CADM2: variants seen among roughly 807,000 people sequenced by gnomAD.
CADM2 encodes the protein cell adhesion molecule 2.
Under a neutral mutation model 49.8 loss-of-function variants are expected in CADM2, and 12 were observed. The ratio of observed to expected loss-of-function variants is 0.24; its 90% CI spans 0.15 to 0.39. The LOEUF (loss-of-function observed/expected upper bound fraction) is 0.39. CADM2 is among the 10% of genes least tolerant of loss of function. CADM2 has a pLI of 1.00. For missense variants in CADM2, 378 were observed against 492.3 expected, an observed-to-expected ratio of 0.77 and a Z score of 2.20; for synonymous variants, 214 against 175.4, an observed-to-expected ratio of 1.22 and a Z score of -1.74.
intron 1 of CADM2, among the ~76,000 whole-genome samples, chr3:85,557,258 C>G (rs147235578): frequency 2.0e-5 from 3 of 151,978 alleles, no homozygotes; most frequent in East Asian, 3.9e-4. Flanking sequence ...TATGTAGATA[C>G]AGCTGTAGAT....
chr3:85,382,974 A>G (rs964260724), intron 1 of CADM2, among the ~76,000 whole-genome samples: 28 of 152,116 alleles, frequency 1.8e-4, no homozygotes, highest in African/African-American at 6.5e-4. Flanking sequence ...ACTGTAACCT[A>G]ACTTTGCAGG....
intron 1 of CADM2, among the ~76,000 whole-genome samples, chr3:85,552,598 T>C (rs1257626581): frequency 1.3e-5 from 2 of 151,886 alleles, no homozygotes; most frequent in African/African-American, 4.8e-5. Context: ...GCCAGGATGG[T>C]CTTGATCTCC....
At chr3:85,001,486 AT>A (rs2033460164) in intron 1 of CADM2, among the ~76,000 whole-genome samples, 1 of 152,160 alleles carries the variant, frequency 6.6e-6, no homozygotes, top group South Asian at 2.1e-4. Flanking sequence ...ACATGAAATT[AT>A]TTTTTCAACA....
intron 1 of CADM2, among the ~76,000 whole-genome samples, chr3:85,557,728 T>C (rs2061996895): frequency 6.6e-6 from 1 of 152,012 alleles, no homozygotes. Flanking sequence ...TCAAAAAAGC[T>C]ACAAATAGAC....
intron 1 of CADM2, among the ~76,000 whole-genome samples, chr3:85,538,992 A>G (rs530858924): frequency 7.2e-5 from 11 of 152,260 alleles, no homozygotes; most frequent in African/African-American, 2.4e-4. Flanking sequence ...AAGCCTTCTT[A>G]ATACAACACT....
chr3:85,891,919 C>T (rs1714483807), intron 5 of CADM2, among the ~76,000 whole-genome samples: 1 of 152,202 alleles, frequency 6.6e-6, no homozygotes, highest in Admixed American at 6.5e-5. Context: ...TCCTCACTCA[C>T]AGAAACCCTG....
At chr3:85,365,198 A>ATTTTTTTT (rs1491587351) in intron 1 of CADM2, among the ~76,000 whole-genome samples, 1 of 48,664 alleles carries the variant, frequency 2.1e-5, no homozygotes, top group Non-Finnish European at 4.6e-5. Context: ...TTTTTTTTTT[A>ATTTTTTTT]CTTTTTTTTT....
chr3:85,481,849 A>G (rs1268935046), intron 1 of CADM2, among the ~76,000 whole-genome samples: 2 of 151,484 alleles, frequency 1.3e-5, no homozygotes, highest in Non-Finnish European at 3.0e-5. Context: ...TAAAATATAA[A>G]TACCCTGATG....
chr3:85,490,413 C>G (rs1248527055), intron 1 of CADM2, among the ~76,000 whole-genome samples: 1 of 151,310 alleles, frequency 6.6e-6, no homozygotes, highest in South Asian at 2.1e-4. Context: ...GTGTTTTTAA[C>G]TCAATGTAAA....
At chr3:84,982,983 G>A (rs942577809) in intron 1 of CADM2, among the ~76,000 whole-genome samples, 2 of 150,356 alleles carry the variant, frequency 1.3e-5, no homozygotes, top group Non-Finnish European at 2.9e-5. Context: ...TCCTGACCAC[G>A]TGATCTGCCC....
intron 3 of CADM2, among the ~76,000 whole-genome samples, chr3:85,866,172 G>A (rs999575072): frequency 7.2e-5 from 11 of 151,986 alleles, no homozygotes; most frequent in African/African-American, 2.2e-4. Context: ...GAAAAACCCC[G>A]AAGTGGACAA....
chr3:85,102,771 A>G (rs1005153793), intron 1 of CADM2, among the ~76,000 whole-genome samples: 25 of 152,104 alleles, frequency 1.6e-4, no homozygotes, highest in African/African-American at 6.0e-4. Context: ...AATAAGATAA[A>G]CTATCGAGAA....
At chr3:85,434,915 T>C (rs1228730876) in intron 1 of CADM2, among the ~76,000 whole-genome samples, 1 of 152,148 alleles carries the variant, frequency 6.6e-6, no homozygotes. Context: ...AGAGGTGTTG[T>C]ATAGTGGATA....
At chr3:85,873,169 C>T (rs1577530713) in intron 3 of CADM2, among the ~76,000 whole-genome samples, 1 of 152,154 alleles carries the variant, frequency 6.6e-6, no homozygotes, top group African/African-American at 2.4e-5. Flanking sequence ...AAGGGCCAAC[C>T]TCTTAATACT....
chr3:85,379,465 C>T (rs2033776893), intron 1 of CADM2, among the ~76,000 whole-genome samples: 1 of 151,944 alleles, frequency 6.6e-6, no homozygotes, highest in Admixed American at 6.6e-5. Flanking sequence ...TGAGTTCATT[C>T]TGAGACTGGT....
At chr3:85,707,393 C>T (rs186202418) in intron 1 of CADM2, among the ~76,000 whole-genome samples, 57 of 128,576 alleles carry the variant, frequency 4.4e-4, no homozygotes, top group Middle Eastern at 5.0e-3. Flanking sequence ...ATCATTGTAT[C>T]TTTTTTTTTT....
At chr3:86,039,581 C>T (rs1023923937) in intron 8 of CADM2, among the ~76,000 whole-genome samples, 2 of 152,162 alleles carry the variant, frequency 1.3e-5, no homozygotes, top group African/African-American at 4.8e-5. Context: ...AACAAAGCAA[C>T]CTTGAAGCTC....
At chr3:85,294,648 T>C (rs1347394725) in intron 1 of CADM2, among the ~76,000 whole-genome samples, 1 of 151,632 alleles carries the variant, frequency 6.6e-6, no homozygotes, top group Non-Finnish European at 1.5e-5. Context: ...TATCTACAAC[T>C]ATCTGATCTT....
intron 3 of CADM2, among the ~76,000 whole-genome samples, chr3:85,802,403 C>T (rs1320538704): frequency 6.6e-6 from 1 of 152,070 alleles, no homozygotes; most frequent in Non-Finnish European, 1.5e-5. Context: ...AAAATAAACA[C>T]TCATAATTCT....
Sources: allele counts gnomAD v4.1 joint callset (sites outside exome capture counted in the v4.1 genomes callset), GRCh38; gene constraint gnomAD v4.1.1; transcripts MANE v1.5; gene names NCBI Gene and HGNC (gene_info 2026-07-23, HGNC 2026-07-21).